CARMIL1: variants seen among roughly 807,000 people sequenced by gnomAD.
The protein encoded by CARMIL1 is F-actin-uncapping protein LRRC16A.
CARMIL1 carries 90 observed loss-of-function variants against 177.1 expected under a neutral mutation model. That is an observed-to-expected ratio of 0.51 (90% CI 0.43 to 0.61). The LOEUF (loss-of-function observed/expected upper bound fraction) is 0.61. Among genes scored for constraint, CARMIL1 ranks in the 20% least tolerant of loss-of-function variants. The pLI, the probability that CARMIL1 is intolerant of heterozygous loss-of-function variation, is 0.00. For missense variants in CARMIL1, 1,380 were observed against 1,667.0 expected (o/e 0.83, Z 3.00); for synonymous variants, 577 against 606.2 (o/e 0.95, Z 0.71).
chr6:25,549,297 CTG>C (rs1216318852), intron 26 of CARMIL1, among the ~76,000 whole-genome samples: 3 of 152,152 alleles, frequency 2.0e-5, no homozygotes, highest in Non-Finnish European at 4.4e-5. Context: ...CAGAAAGTAA[CTG>C]ATATGTTGAA....
At chr6:25,349,313 C>T (rs4712917) in intron 2 of CARMIL1, among the ~76,000 whole-genome samples, 32,101 of 152,132 alleles carry the variant, frequency 0.21, 3,652 homozygotes, top group South Asian at 0.35. Context: ...TCAGACATGG[C>T]GAAAACATGC....
chr6:25,584,256 T>C (rs538903364), intron 31 of CARMIL1, among the ~76,000 whole-genome samples: 4 of 150,850 alleles, frequency 2.7e-5, no homozygotes, highest in Non-Finnish European at 4.4e-5. Context: ...CCCAGGCTAA[T>C]CTCGGAACTC....
intron 1 of CARMIL1, among the ~76,000 whole-genome samples, chr6:25,283,294 AAG>A (rs1181352004): frequency 6.6e-6 from 1 of 152,158 alleles, no homozygotes; most frequent in Non-Finnish European, 1.5e-5. Context: ...ACAGTTTTGG[AAG>A]AGTCACTGTG....
chr6:25,512,376 G>A (rs2151053463), intron 20 of CARMIL1, among the ~76,000 whole-genome samples: 2 of 152,238 alleles, frequency 1.3e-5, no homozygotes, highest in South Asian at 2.1e-4. Flanking sequence ...TCATAATGCT[G>A]TACAATGAAA....
Position 25,335,233 on chromosome 6 carries a change from T to G in CARMIL1, c.138+50324T>G, listed in dbSNP as rs144595643. On this transcript the variant is annotated intron_variant, in intron 2 of 36. Transcript: ENST00000329474. ...GCAACTGGTAATTCCAGTTCTTGTA[T>G]ATTACTAAGGCTTTCTCTGTAGATG... Among the ~76,000 whole-genome samples the G allele has an allele frequency of 2.4e-4, 36 of 152,360 alleles. No individual in the cohort carries two copies. The East Asian group carries it at 6.7e-3, about 29-fold the overall frequency.
chr6:25,407,979 G>T (rs558604901), intron 2 of CARMIL1, among the ~76,000 whole-genome samples: 1 of 152,146 alleles, frequency 6.6e-6, no homozygotes, highest in Non-Finnish European at 1.5e-5. Flanking sequence ...TTCCTGTCAC[G>T]CCAGCCTCTC....
rs1403322281 is a variant in CARMIL1, at chr6:25,326,409, T to C, written c.138+41500T>C. ...GTAAGGAGCTTGGATTTGATTTTAC[T>C]GGGGAAATAACATAATCTGATATGT... On this transcript the variant is annotated intron_variant, in intron 2 of 36. Transcript: ENST00000329474. This position sits in a 1 kb window ranked among gnomAD's most constrained non-coding sequence, Gnocchi z 4.2. 6.6e-6 allele frequency among the ~76,000 whole-genome samples: 1 copy of C among 152,152 alleles called. No individual in the cohort carries two copies. The highest frequency in any genetic ancestry group is 6.5e-5 in the Admixed American group (1 of 15,276).
chr6:25,605,247 A>G (rs1005408232), intron 34 of CARMIL1, among the ~76,000 whole-genome samples: 2 of 152,234 alleles, frequency 1.3e-5, no homozygotes, highest in African/African-American at 4.8e-5. Context: ...TAAGCCATGC[A>G]TGACATATGG....
intron 16 of CARMIL1, 67 bp downstream of exon 16, chr6:25,495,282 G>A (rs1283895642): frequency 3.7e-6 from 4 of 1,076,532 alleles, no homozygotes; most frequent in Non-Finnish European, 5.5e-6. Context: ...TGTGCTTGAG[G>A]GAAGGGAGAA....
intron 26 of CARMIL1, 129 bp from the exon 27 acceptor site, chr6:25,550,781 C>G (rs757406270): frequency 1.3e-6 from 1 of 764,514 alleles, no homozygotes; most frequent in East Asian, 2.5e-5. Context: ...TTCTTGGTTG[C>G]GCTCTGGGAC....
At chr6:25,570,875 A>G (rs1020340780) in intron 29 of CARMIL1, among the ~76,000 whole-genome samples, 1 of 152,202 alleles carries the variant, frequency 6.6e-6, no homozygotes, top group South Asian at 2.1e-4. Context: ...TCTCAGAGTT[A>G]TAACTTCCCT....
intron 26 of CARMIL1, among the ~76,000 whole-genome samples, chr6:25,540,973 A>G (rs1808832439): frequency 6.6e-6 from 1 of 152,110 alleles, no homozygotes. Flanking sequence ...TATCATTTTT[A>G]TTTTATTTAA....
intron 10 of CARMIL1, 74 bp downstream of exon 10, chr6:25,471,331 G>GTTT (rs144894905): frequency 1.1e-3 from 813 of 742,440 alleles, no homozygotes; most frequent in East Asian, 3.0e-3. Context: ...TTAATTCATA[G>GTTT]TTTTTTTTTT....
chr6:25,515,818 C>T lies in CARMIL1; in HGVS notation c.1776C>T (p.Ala592=). The T allele has an allele frequency of 6.2e-7, 1 of 1,609,002 alleles. No homozygotes were observed. The highest frequency in any genetic ancestry group is 8.5e-7 in the Non-Finnish European group (1 of 1,177,920). The change falls in exon 21 of 37, where the codon GCC becomes GCT. Residue 592 remains alanine, a synonymous_variant. Coordinates refer to ENST00000329474, the MANE Select transcript of CARMIL1 (RefSeq NM_017640.6). This position sits in a 1 kb window ranked among gnomAD's most constrained non-coding sequence, Gnocchi z 5.0. ...GGGACATGGGAGCGAAGATGCTGGC[C>T]AAAGCACTGCAGATCAACACTAAGC... is the stretch of plus-strand genomic sequence containing the variant. ...GMGDMGAKML[A]KALQINTKLR... is the part of the protein sequence containing the mutation.
At chr6:25,456,132 C>G (rs1055601712) in intron 8 of CARMIL1, among the ~76,000 whole-genome samples, 1 of 152,192 alleles carries the variant, frequency 6.6e-6, no homozygotes, top group South Asian at 2.1e-4. Flanking sequence ...GCATGTGCAT[C>G]GTCCTGTCCT....
chr6:25,306,108 A>G (rs1374076854), intron 2 of CARMIL1, among the ~76,000 whole-genome samples: 2 of 152,180 alleles, frequency 1.3e-5, no homozygotes, highest in African/African-American at 4.8e-5. Flanking sequence ...CGCCCCTGAC[A>G]ATCACTAATC....
At chr6:25,520,846 G>A (rs572642297) in intron 23 of CARMIL1, among the ~76,000 whole-genome samples, 11 of 152,068 alleles carry the variant, frequency 7.2e-5, no homozygotes, top group Non-Finnish European at 1.2e-4. Context: ...CCATTCCCTG[G>A]TGCATTTGAC....
chr6:25,462,293 A>G (rs752306255), intron 8 of CARMIL1, among the ~76,000 whole-genome samples: 1 of 152,064 alleles, frequency 6.6e-6, no homozygotes, highest in Non-Finnish European at 1.5e-5. Flanking sequence ...TATGTGTCTC[A>G]TCCCACTCCC....
chr6:25,604,931 C>G, intron 34 of CARMIL1, 38 bp downstream of exon 34: 3 of 1,491,864 alleles, frequency 2.0e-6, no homozygotes, highest in Non-Finnish European at 2.7e-6. Context: ...TTAGGAAAAG[C>G]GCTTACCTTC....
Sources: allele counts gnomAD v4.1 joint callset (sites outside exome capture counted in the v4.1 genomes callset), GRCh38; gene constraint gnomAD v4.1.1; non-coding constraint Gnocchi (gnomAD v3.1); transcripts MANE v1.5; gene names NCBI Gene and HGNC (gene_info 2026-07-23, HGNC 2026-07-21).